Variants in TRAPPC13 observed in about 807,000 individuals in gnomAD.
The protein encoded by TRAPPC13 is REV7-interacting novel NHEJ regulator 1.
A neutral mutation model predicts 54.0 loss-of-function variants in TRAPPC13; 39 were observed. The observed-to-expected ratio is 0.72, with a 90% CI of 0.56 to 0.94. The LOEUF (loss-of-function observed/expected upper bound fraction) is 0.94, where lower values mean the gene tolerates loss of function less well. TRAPPC13 is among the 40% of genes least tolerant of loss of function. The pLI, the probability that TRAPPC13 is intolerant of heterozygous loss-of-function variation, is 0.00. For missense variants in TRAPPC13, 386 were observed against 488.1 expected, an observed-to-expected ratio of 0.79 and a Z score of 1.97; for synonymous variants, 148 against 167.7, an observed-to-expected ratio of 0.88 and a Z score of 0.91.
intron 1 of TRAPPC13, chr5:65,629,820 A>C: frequency 6.5e-7 from 1 of 1,536,086 alleles, no homozygotes. Context: ...TCAGAACATG[A>C]TGCTAAGTCA....
At chr5:65,639,472 A>G (rs560703142) in intron 4 of TRAPPC13, among the ~76,000 whole-genome samples, 9 of 152,250 alleles carry the variant, frequency 5.9e-5, no homozygotes, top group African/African-American at 2.2e-4. Context: ...CCAGCCTGGG[A>G]AACATAACGA....
In TRAPPC13 at chr5:65,665,533, A is replaced by ATT. The variant is rs1353447796; in HGVS notation, c.*929_*930dup. The ATT allele has an allele frequency of 6.6e-6, 1 of 151,926 alleles. No individual in the cohort carries two copies. Among genetic ancestry groups the ATT allele is most frequent in the Non-Finnish European group, 1.5e-5 (1 of 67,958 alleles). 9.4% of individuals were successfully genotyped at this position (151,926 alleles called of 1,614,324 possible). On this transcript the variant is annotated 3_prime_UTR_variant, in exon 13 of 13. Transcript: ENST00000399438. Reference sequence around the variant, plus strand: ...ATTGGTTTTACTTTTTAGGTTGTTGATTTTTTTTAATTAACTATTAACTAA... The same window carrying ATT: ...ATTGGTTTTACTTTTTAGGTTGTTGATTTTTTTTTTAATTAACTATTAACTAA...
intron 4 of TRAPPC13, among the ~76,000 whole-genome samples, chr5:65,641,116 TA>T (rs1055516040): frequency 2.0e-5 from 3 of 152,034 alleles, no homozygotes; most frequent in African/African-American, 7.3e-5. Flanking sequence ...TAATATTTTT[TA>T]GAGACAAGGT....
At chr5:65,629,221 G>GT (rs1429368607) in intron 1 of TRAPPC13, among the ~76,000 whole-genome samples, 2 of 152,168 alleles carry the variant, frequency 1.3e-5, no homozygotes, top group East Asian at 1.9e-4. Context: ...TATCTATTGA[G>GT]TTAAACATGT....
At chr5:65,658,701 TTTTA>T (rs1318751537) in intron 9 of TRAPPC13, among the ~76,000 whole-genome samples, 200 bp downstream of exon 9, 11 of 151,098 alleles carry the variant, frequency 7.3e-5, no homozygotes, top group African/African-American at 2.2e-4. Context: ...ACGTCTTGTT[TTTTA>T]TTTTATTTTT....
chr5:65,660,618 C>A, intron 9 of TRAPPC13, 81 bp from the exon 10 acceptor site: 1 of 1,179,470 alleles, frequency 8.5e-7, no homozygotes, highest in Non-Finnish European at 1.2e-6. Flanking sequence ...CAGTTCCTAT[C>A]CAAAGGAACA....
At chr5:65,644,608 G>A (rs760584036) in intron 4 of TRAPPC13, among the ~76,000 whole-genome samples, 14 of 152,180 alleles carry the variant, frequency 9.2e-5, no homozygotes, top group Non-Finnish European at 1.8e-4. Flanking sequence ...ATATCTGGGC[G>A]CAGTGGCTAA....
Position 65,645,587 on chromosome 5 carries a change from G to A in TRAPPC13, c.301-1468G>A, listed in dbSNP as rs562712079. 2.9e-3 allele frequency among the ~76,000 whole-genome samples: 445 copies of A among 152,142 alleles called. 4 individuals carry two copies. Among genetic ancestry groups the A allele is most frequent in the African/African-American group, 9.9e-3 (412 of 41,502 alleles). On this transcript the variant is annotated intron_variant, in intron 4 of 12. Transcript: ENST00000399438. ...TGGGAGGCCGAGGCGGGCGGATCAC[G>A]AGGTCAGGAGATCAAGACCATCCTG... is the stretch of plus-strand genomic sequence containing the variant.
At chr5:65,663,731 T>C (rs1358730172) in intron 11 of TRAPPC13, 3 of 152,394 alleles carry the variant, frequency 2.0e-5, no homozygotes, top group Non-Finnish European at 4.4e-5. Context: ...CTTTTCTTGG[T>C]AAATAATCCA....
At chr5:65,652,733 A>G (rs1220157975) in intron 7 of TRAPPC13, 188 bp downstream of exon 7, 3 of 641,524 alleles carry the variant, frequency 4.7e-6, no homozygotes, top group African/African-American at 3.7e-5. Context: ...TTCAGCTTAC[A>G]TGGAATCAAT....
At chr5:65,636,605 A>G (rs1326947820) in intron 3 of TRAPPC13, among the ~76,000 whole-genome samples, 1 of 152,144 alleles carries the variant, frequency 6.6e-6, no homozygotes, top group Non-Finnish European at 1.5e-5. Flanking sequence ...ATATTTTGTA[A>G]TGGCCACATA....
At chr5:65,650,566 AG>A (rs1310151662) in intron 5 of TRAPPC13, among the ~76,000 whole-genome samples, 3 of 152,132 alleles carry the variant, frequency 2.0e-5, no homozygotes, top group Admixed American at 6.5e-5. Context: ...TTCACCTTTC[AG>A]GTGAAGTCAG....
intron 1 of TRAPPC13, 114 bp downstream of exon 1, chr5:65,625,220 C>T (rs896582133): frequency 4.4e-6 from 4 of 917,770 alleles, no homozygotes; most frequent in Non-Finnish European, 7.1e-6. Context: ...CGCCCTCCTG[C>T]TCTGTCCTTT....
Position 65,637,707 on chromosome 5 carries a change from T to G in TRAPPC13, c.227T>G (p.Leu76Trp). Reference sequence around the variant, plus strand: ...ATTTTATTTTACAGGAATATATTTTTGGGAGAGACCTTTTCCAGTTATATC... The same window carrying G: ...ATTTTATTTTACAGGAATATATTTTGGGGAGAGACCTTTTCCAGTTATATC... ...TLPQNFGNIF[L>W]GETFSSYISV... Residue 76 changes from leucine (L) to tryptophan (W), a missense_variant, in exon 4 of 13, where the codon TTG (leucine) becomes TGG (tryptophan). Leu to Trp is a moderately conservative substitution (Grantham distance 61). Coordinates refer to ENST00000399438, the MANE Select transcript of TRAPPC13 (RefSeq NM_024941.4). The G allele has an allele frequency of 6.4e-7, 1 of 1,557,322 alleles. No individual in the cohort carries two copies. Among genetic ancestry groups the G allele is most frequent in the South Asian group, 1.2e-5 (1 of 85,366 alleles).
intron 1 of TRAPPC13, among the ~76,000 whole-genome samples, chr5:65,633,442 G>A (rs1755622921): frequency 2.0e-5 from 3 of 152,114 alleles, no homozygotes; most frequent in South Asian, 4.1e-4. Flanking sequence ...CACCATGCTA[G>A]GCTAATTTTT....
At chr5:65,654,299 T>C (rs766235277) in intron 7 of TRAPPC13, among the ~76,000 whole-genome samples, 148 of 152,324 alleles carry the variant, frequency 9.7e-4, no homozygotes, top group African/African-American at 3.3e-3. Flanking sequence ...TTCACTTATA[T>C]ATAATATTCT....
chr5:65,630,047 G>C, intron 1 of TRAPPC13: 3 of 1,536,062 alleles, frequency 2.0e-6, no homozygotes, highest in South Asian at 2.4e-5. Context: ...AAAATTGCAA[G>C]ATAGTTTAAA....
intron 4 of TRAPPC13, among the ~76,000 whole-genome samples, chr5:65,646,669 T>C: frequency 6.6e-6 from 1 of 152,234 alleles, no homozygotes; most frequent in Non-Finnish European, 1.5e-5. Flanking sequence ...TCTTTTTGTC[T>C]TTAGCCATAG....
intron 11 of TRAPPC13, chr5:65,663,947 TAGCACCAGATC>T (rs766050080): frequency 1.7e-5 from 5 of 293,368 alleles, no homozygotes; most frequent in African/African-American, 4.4e-5. Context: ...AGAAAAATGG[TAGCACCAGATC>T]AGCACCAGGA....
Sources: gnomAD v4.1 joint callset for allele counts (sites outside exome capture counted in the v4.1 genomes callset) on GRCh38, gnomAD v4.1.1 for gene constraint, MANE v1.5 for transcripts, NCBI Gene and HGNC (gene_info 2026-07-23, HGNC 2026-07-21) for gene names.